KALRN: variants seen among roughly 807,000 people sequenced by gnomAD.
KALRN encodes the protein kalirin RhoGEF kinase.
Under a neutral mutation model 353.7 loss-of-function variants are expected in KALRN, and 70 were observed. The ratio of observed to expected loss-of-function variants is 0.20; its 90% CI spans 0.16 to 0.24. The LOEUF (loss-of-function observed/expected upper bound fraction) is 0.24. Ranked by LOEUF, KALRN falls within the 10% of genes least tolerant of loss-of-function variation. The probability of loss-of-function intolerance (pLI) is 1.00; values close to 1 mark genes in which losing one functional copy is unlikely to be tolerated. For synonymous variants in KALRN, 1,391 were observed against 1,434.8 expected, an observed-to-expected ratio of 0.97 and a Z score of 0.69; for missense variants, 2,791 against 3,756.7, an observed-to-expected ratio of 0.74 and a Z score of 6.72.
chr3:124,384,850 G>A lies in KALRN; in HGVS notation c.1776G>A (p.Thr592=), dbSNP rs574174504. Residue 592 remains threonine, a synonymous_variant, in exon 11 of 60, where the codon ACG becomes ACA. Transcript: ENST00000682506. The part of the protein sequence containing the change: ...HDDFEEVAQN[T]YTNADKLLEA... ...CTCACTGTTGTTGCTGGCAGAATAC[G>A]TACACCAATGCGGACAAGCTCCTAG... 7.5e-6 allele frequency: 12 copies of A among 1,594,624 alleles called. No homozygotes were observed. Among genetic ancestry groups the A allele is most frequent in the Admixed American group, 5.1e-5 (3 of 58,778 alleles).
At chr3:124,039,849 T>C (rs1362519738) in intron 1 of KALRN, among the ~76,000 whole-genome samples, 1 of 152,206 alleles carries the variant, frequency 6.6e-6, no homozygotes, top group Non-Finnish European at 1.5e-5. Flanking sequence ...TTGTTGTCCC[T>C]TCTTGATCTC....
chr3:124,515,461 G>A (rs1389814031), intron 33 of KALRN, among the ~76,000 whole-genome samples: 4 of 152,212 alleles, frequency 2.6e-5, no homozygotes, highest in Non-Finnish European at 4.4e-5. Flanking sequence ...ATGTGAAAAT[G>A]TGCTTGATAT....
chr3:124,421,437 A>C (rs2092776053), intron 14 of KALRN, among the ~76,000 whole-genome samples: 1 of 152,232 alleles, frequency 6.6e-6, no homozygotes, highest in African/African-American at 2.4e-5. Flanking sequence ...ATGTACATAC[A>C]GTAATATGTG....
intron 1 of KALRN, chr3:124,094,636 G>GTTCCT: frequency 3.2e-6 from 2 of 627,070 alleles, no homozygotes; most frequent in Non-Finnish European, 5.9e-6. Flanking sequence ...TTCTGCACTT[G>GTTCCT]TTCCTTTGTT....
At chr3:124,261,729 T>A (rs753899470) in intron 3 of KALRN, among the ~76,000 whole-genome samples, 1 of 152,192 alleles carries the variant, frequency 6.6e-6, no homozygotes, top group Non-Finnish European at 1.5e-5. Context: ...TCAGCATAAT[T>A]ACAGCAACAG....
At chr3:124,143,248 A>G (rs956973467) in intron 1 of KALRN, among the ~76,000 whole-genome samples, 4 of 152,152 alleles carry the variant, frequency 2.6e-5, no homozygotes, top group African/African-American at 9.7e-5. Context: ...TAGCAAGAAA[A>G]GGCACATATT....
At chr3:124,632,237 A>T (rs1018280732) in intron 34 of KALRN, among the ~76,000 whole-genome samples, 183 bp from the exon 35 acceptor site, 3 of 152,124 alleles carry the variant, frequency 2.0e-5, no homozygotes, top group African/African-American at 7.2e-5. Flanking sequence ...TTCATACTTT[A>T]AAAATTGAGT....
At chr3:124,399,684 A>G (rs987703991) in intron 13 of KALRN, among the ~76,000 whole-genome samples, 1 of 152,202 alleles carries the variant, frequency 6.6e-6, no homozygotes, top group Non-Finnish European at 1.5e-5. Context: ...TTTGATTTCT[A>G]CCTATTAAGA....
At chr3:124,543,809 G>GTAAA (rs2069326740) in intron 33 of KALRN, among the ~76,000 whole-genome samples, 1 of 152,044 alleles carries the variant, frequency 6.6e-6, no homozygotes, top group Non-Finnish European at 1.5e-5. Flanking sequence ...GAACAAAAGG[G>GTAAA]TAAAACAGGG....
chr3:124,187,278 C>T (rs979491694), intron 1 of KALRN, among the ~76,000 whole-genome samples: 17 of 152,016 alleles, frequency 1.1e-4, no homozygotes, highest in African/African-American at 3.1e-4. Context: ...GCGGGGGTTT[C>T]GCCATTTTAG....
chr3:124,190,533 T>C (rs556376293), intron 1 of KALRN, among the ~76,000 whole-genome samples: 160 of 152,204 alleles, frequency 1.1e-3, no homozygotes, highest in Non-Finnish European at 1.7e-3. Context: ...CACCATTTTA[T>C]TATGCTCATA....
chr3:124,404,436 T>A (rs1354552816), intron 13 of KALRN, among the ~76,000 whole-genome samples: 1 of 152,086 alleles, frequency 6.6e-6, no homozygotes, highest in Non-Finnish European at 1.5e-5. Flanking sequence ...GGAGCCTGGC[T>A]CACATATAGG....
chr3:124,287,747 A>C (rs1327522435), intron 5 of KALRN, among the ~76,000 whole-genome samples: 1 of 107,474 alleles, frequency 9.3e-6, no homozygotes. Flanking sequence ...TGGAATCAGA[A>C]AATCAATGGT....
At chr3:124,487,367 C>T (rs1328935311) in intron 28 of KALRN, among the ~76,000 whole-genome samples, 1 of 152,152 alleles carries the variant, frequency 6.6e-6, no homozygotes, top group East Asian at 1.9e-4. Context: ...AGGACACACT[C>T]CCCAGCTCCC....
chr3:124,373,309 C>A (rs1391738140), intron 10 of KALRN, among the ~76,000 whole-genome samples: 3 of 152,184 alleles, frequency 2.0e-5, no homozygotes, highest in African/African-American at 7.2e-5. Context: ...ACCTGGACAT[C>A]TGACAGTAGC....
intron 40 of KALRN, 66 bp from the exon 41 acceptor site, chr3:124,657,665 CTTA>C: frequency 7.2e-7 from 1 of 1,386,594 alleles, no homozygotes; most frequent in South Asian, 1.2e-5. Context: ...TGTAATTCAT[CTTA>C]TTATTGAGAA....
intron 33 of KALRN, among the ~76,000 whole-genome samples, chr3:124,507,255 T>C (rs1218267960): frequency 6.6e-6 from 1 of 152,138 alleles, no homozygotes; most frequent in East Asian, 1.9e-4. Flanking sequence ...TTCTTAGGCC[T>C]TTTTCCACAC....
chr3:124,172,986 A>G lies in KALRN; in HGVS notation c.74-55004A>G, dbSNP rs181658141. 5.9e-5 allele frequency among the ~76,000 whole-genome samples: 9 copies of G among 152,324 alleles called. No homozygotes were observed. The East Asian group carries it at 1.7e-3, about 29-fold the overall frequency. On this transcript the variant is annotated intron_variant, in intron 1 of 59. Transcript: ENST00000682506. ...AGAGCTGCTGCAATCAGCCTGCATCATCATTCTAGCCAGGAAATTAGGCTT... is the reference window on the plus strand; with the variant it reads ...AGAGCTGCTGCAATCAGCCTGCATCGTCATTCTAGCCAGGAAATTAGGCTT...
intron 51 of KALRN, among the ~76,000 whole-genome samples, chr3:124,689,866 T>A (rs1331559915): frequency 6.6e-6 from 1 of 152,210 alleles, no homozygotes; most frequent in Non-Finnish European, 1.5e-5. Context: ...TTCACAAGTC[T>A]GGTAGGGCAA....
Sources: allele counts gnomAD v4.1 joint callset (sites outside exome capture counted in the v4.1 genomes callset), GRCh38; gene constraint gnomAD v4.1.1; transcripts MANE v1.5; gene names NCBI Gene and HGNC (gene_info 2026-07-23, HGNC 2026-07-21).